The following UTRN variants were observed in gnomAD, a reference collection of about 807,000 sequenced individuals.
UTRN encodes utrophin.
Under a neutral mutation model 463.9 loss-of-function variants are expected in UTRN, and 283 were observed. The observed-to-expected ratio is 0.61, with a 90% confidence interval of 0.55 to 0.67. UTRN has a LOEUF of 0.67. UTRN is among the 30% of genes least tolerant of loss of function. The probability of loss-of-function intolerance (pLI) is 0.00; values close to 1 mark genes in which losing one functional copy is unlikely to be tolerated. For missense variants in UTRN, 3,922 were observed against 4,084.3 expected (o/e 0.96, Z 1.08); for synonymous variants, 1,442 against 1,431.5 (o/e 1.01, Z -0.17).
At chr6:144,633,483 T>G (rs1055618438) in intron 51 of UTRN, among the ~76,000 whole-genome samples, 1 of 152,170 alleles carries the variant, frequency 6.6e-6, no homozygotes, top group Non-Finnish European at 1.5e-5. Context: ...CCGCCCGCCT[T>G]GGCCTCCCAA....
intron 66 of UTRN, among the ~76,000 whole-genome samples, chr6:144,824,781 G>GTGT (rs139572529): frequency 6.8e-6 from 1 of 146,150 alleles, no homozygotes; most frequent in African/African-American, 2.6e-5. Flanking sequence ...GGTGGGGGGG[G>GTGT]GTGTCCCCCC....
At chr6:144,562,112 A>G (rs1486713157) in intron 50 of UTRN, among the ~76,000 whole-genome samples, 1 of 152,162 alleles carries the variant, frequency 6.6e-6, no homozygotes, top group African/African-American at 2.4e-5. Context: ...TTACCTTGCA[A>G]TTAAGCATTT....
In UTRN at chr6:144,488,765, G is replaced by C. The variant is rs774166013; in HGVS notation, c.4065G>C (p.Glu1355Asp). 3 of 1,612,974 alleles carry C rather than the reference G, an allele frequency of 1.9e-6. No individual in the cohort carries two copies. Among genetic ancestry groups the C allele is most frequent in the Non-Finnish European group, 2.5e-6 (3 of 1,179,316 alleles). The change falls in exon 30 of 75, where the codon GAG (glutamate) becomes GAC (aspartate). Residue 1355 changes from glutamate (E) to aspartate (D), a missense_variant. Physicochemically the swap from Glu to Asp is conservative, Grantham distance 45. Transcript: ENST00000367545. Reference protein sequence around the residue: ...MLQVLQESLGELDKQLTTYLT... With the variant: ...MLQVLQESLGDLDKQLTTYLT... ...AAGTCTTGCAAGAGAGCTTGGGGGAGCTGGACAAACAGCTCACCACATACC... is the reference window on the plus strand; with the variant it reads ...AAGTCTTGCAAGAGAGCTTGGGGGACCTGGACAAACAGCTCACCACATACC...
chr6:144,542,914 A>G (rs745368796), intron 46 of UTRN, 44 bp downstream of exon 46: 4 of 1,549,126 alleles, frequency 2.6e-6, no homozygotes, highest in South Asian at 1.2e-5. Context: ...AAAAATCAGT[A>G]TGTAAAATTT....
At chr6:144,303,317 A>G (rs1805454809) in intron 2 of UTRN, among the ~76,000 whole-genome samples, 1 of 152,136 alleles carries the variant, frequency 6.6e-6, no homozygotes, top group East Asian at 1.9e-4. Flanking sequence ...CTCTAGGTAA[A>G]TTTCACCTTT....
chr6:144,495,580 A>G (rs554484466), intron 33 of UTRN, among the ~76,000 whole-genome samples: 2 of 152,322 alleles, frequency 1.3e-5, no homozygotes, highest in African/African-American at 2.4e-5. Flanking sequence ...CAGCCCAGAA[A>G]GGGGTTCCCA....
intron 53 of UTRN, among the ~76,000 whole-genome samples, chr6:144,714,282 T>C (rs989958735): frequency 1.3e-5 from 2 of 152,374 alleles, no homozygotes; most frequent in Admixed American, 1.3e-4. Context: ...TATGCTGATT[T>C]AGCTTTGAAA....
intron 53 of UTRN, among the ~76,000 whole-genome samples, chr6:144,705,866 G>A (rs929287567): frequency 4.0e-5 from 6 of 151,170 alleles, no homozygotes; most frequent in East Asian, 1.9e-4. Context: ...TTAAAATTAC[G>A]TTACTATAAA....
At position 144,732,245 on chromosome 6, in the gene UTRN, T is replaced by TATATATATAC. The variant is rs1554359966; in HGVS notation, c.7939+1768_7939+1769insCATATATATA. 2.0e-3 allele frequency among the ~76,000 whole-genome samples: 217 copies of TATATATATAC among 108,362 alleles called. 4 individuals carry two copies. The highest frequency in any genetic ancestry group is 0.012 in the Middle Eastern group (3 of 242). 71.1% of individuals were successfully genotyped at this position (108,362 alleles called of 152,430 possible). On this transcript the variant is annotated intron_variant, in intron 54 of 74. Coordinates refer to ENST00000367545, the MANE Select transcript of UTRN (RefSeq NM_007124.3). ...ATATATATATATATATATACATATA[T>TATATATATAC]ATATATATATATACACACATATATA...
intron 51 of UTRN, among the ~76,000 whole-genome samples, chr6:144,644,244 T>G (rs556921211): frequency 6.6e-4 from 101 of 152,218 alleles, no homozygotes; most frequent in Non-Finnish European, 1.1e-3. Context: ...AAATTAGTAT[T>G]GGAAAAATCT....
At chr6:144,757,048 G>C (rs900526675) in intron 57 of UTRN, among the ~76,000 whole-genome samples, 16 of 151,994 alleles carry the variant, frequency 1.1e-4, no homozygotes, top group African/African-American at 3.9e-4. Flanking sequence ...AACTGGCTAC[G>C]TGAGGATCTG....
At chr6:144,440,993 G>T (rs958834732) in intron 13 of UTRN, among the ~76,000 whole-genome samples, 52 of 152,134 alleles carry the variant, frequency 3.4e-4, no homozygotes, top group African/African-American at 1.3e-3. Context: ...GCAAGAGAGA[G>T]ACCTGCGCCC....
intron 51 of UTRN, among the ~76,000 whole-genome samples, chr6:144,674,259 C>A (rs1014946228): frequency 6.7e-6 from 1 of 149,882 alleles, no homozygotes; most frequent in Non-Finnish European, 1.5e-5. Context: ...TTTTAGATTT[C>A]TCTTCTTCCT....
At chr6:144,361,557 A>G (rs1243377243) in intron 2 of UTRN, among the ~76,000 whole-genome samples, 2 of 152,076 alleles carry the variant, frequency 1.3e-5, no homozygotes, top group African/African-American at 4.8e-5. Context: ...TGATAAGGAA[A>G]TAAGTCCCTT....
intron 61 of UTRN, 86 bp from the exon 62 acceptor site, chr6:144,789,108 C>A: frequency 9.4e-7 from 1 of 1,067,864 alleles, no homozygotes; most frequent in South Asian, 1.6e-5. Context: ...ATGGTTTACC[C>A]CCAAGAAAAT....
At chr6:144,333,411 TCA>T (rs1188965518) in intron 2 of UTRN, 4 of 152,234 alleles carry the variant, frequency 2.6e-5, no homozygotes, top group Non-Finnish European at 2.9e-5. Flanking sequence ...ATATAGCATG[TCA>T]CACACAGTAT....
chr6:144,757,016 T>C (rs1481468001), intron 57 of UTRN, among the ~76,000 whole-genome samples: 1 of 151,820 alleles, frequency 6.6e-6, no homozygotes, highest in East Asian at 1.9e-4. Context: ...GACATGAAAT[T>C]GAGAAAAAAA....
At chr6:144,635,514 C>CTTTTTTTTTTTTTTTTTTT (rs1402815648) in intron 51 of UTRN, among the ~76,000 whole-genome samples, 4 of 80,006 alleles carry the variant, frequency 5.0e-5, no homozygotes, top group African/African-American at 9.8e-5. Context: ...CTTTTTTTTT[C>CTTTTTTTTTTTTTTTTTTT]TTTTTTTTTT....
intron 2 of UTRN, chr6:144,311,940 T>A (rs1178135095): frequency 6.6e-6 from 1 of 152,132 alleles, no homozygotes; most frequent in Non-Finnish European, 1.5e-5. Context: ...TTAAAAATCT[T>A]ATTAGTACTC....
Sources: gnomAD v4.1 joint callset for allele counts (sites outside exome capture counted in the v4.1 genomes callset) on GRCh38, gnomAD v4.1.1 for gene constraint, MANE v1.5 for transcripts, NCBI Gene and HGNC (gene_info 2026-07-23, HGNC 2026-07-21) for gene names.